Variants in CACNA2D3 observed in about 807,000 individuals in gnomAD.
The protein encoded by CACNA2D3 is voltage-dependent calcium channel subunit alpha-2/delta-3.
CACNA2D3 carries 60 observed loss-of-function variants against 160.6 expected under a neutral mutation model. The observed-to-expected ratio is 0.37, with a 90% confidence interval of 0.30 to 0.46. The LOEUF is 0.46. Among genes scored for constraint, CACNA2D3 ranks in the 20% least tolerant of loss-of-function variants. CACNA2D3 has a pLI of 1.00. For missense variants in CACNA2D3, 1,205 were observed against 1,365.0 expected (o/e 0.88, Z 1.85); for synonymous variants, 558 against 492.9 (o/e 1.13, Z -1.75).
Position 54,145,561 on chromosome 3 carries a change from T to C in CACNA2D3, c.204+21967T>C, listed in dbSNP as rs144587163. Among the ~76,000 whole-genome samples, 1,079 of 152,334 alleles carry C rather than the reference T, an allele frequency of 7.1e-3. 16 individuals are homozygous for C. The highest frequency in any genetic ancestry group is 0.025 in the African/African-American group (1,041 of 41,572). ...GTTTCTGAATGACAGGCTTGTTATA[T>C]GCAGCAGAGCCTAGCCCTGCATGGC... On this transcript the variant is annotated intron_variant, in intron 2 of 37. Transcript: ENST00000474759.
chr3:54,763,815 A>ATACG (rs1702152623), intron 12 of CACNA2D3, among the ~76,000 whole-genome samples: 1 of 7,540 alleles, frequency 1.3e-4, no homozygotes, highest in African/African-American at 3.2e-4. Context: ...ATATATACAT[A>ATACG]TATATATACG....
chr3:54,573,733 A>T (rs1263922681), intron 8 of CACNA2D3, among the ~76,000 whole-genome samples: 1 of 152,222 alleles, frequency 6.6e-6, no homozygotes, highest in Admixed American at 6.5e-5. Flanking sequence ...TAATGTTTAC[A>T]CAGTTACCAA....
chr3:54,829,563 T>A (rs1274897661), intron 14 of CACNA2D3, among the ~76,000 whole-genome samples: 1 of 152,142 alleles, frequency 6.6e-6, no homozygotes, highest in East Asian at 1.9e-4. Flanking sequence ...CCTCACAAAC[T>A]AATTGTACAG....
intron 2 of CACNA2D3, among the ~76,000 whole-genome samples, chr3:54,310,933 A>G (rs1364546710): frequency 3.9e-5 from 6 of 152,196 alleles, no homozygotes; most frequent in Non-Finnish European, 8.8e-5. Context: ...ACATGGTAAC[A>G]TGAGGACTTG....
intron 9 of CACNA2D3, among the ~76,000 whole-genome samples, chr3:54,596,439 A>G (rs1437985815): frequency 6.6e-6 from 1 of 152,074 alleles, no homozygotes; most frequent in Non-Finnish European, 1.5e-5. Context: ...CAAACTCCCT[A>G]TTAGTACCTA....
chr3:54,914,347 C>T (rs182366616), intron 27 of CACNA2D3, among the ~76,000 whole-genome samples: 33 of 152,260 alleles, frequency 2.2e-4, no homozygotes, highest in Admixed American at 4.6e-4. Flanking sequence ...TTAGCAATGT[C>T]TGCAATGGAT....
At chr3:54,731,698 T>C (rs546846075) in intron 11 of CACNA2D3, among the ~76,000 whole-genome samples, 2 of 152,174 alleles carry the variant, frequency 1.3e-5, no homozygotes, top group South Asian at 2.1e-4. Context: ...TACCTACAAA[T>C]TCCACCCTTC....
intron 34 of CACNA2D3, among the ~76,000 whole-genome samples, chr3:55,016,747 T>C (rs975097180): frequency 1.3e-5 from 2 of 152,246 alleles, no homozygotes; most frequent in Non-Finnish European, 2.9e-5. Flanking sequence ...ACGAGTCTAC[T>C]TCCTTTTGTT....
At chr3:54,208,383 C>T (rs1701309635) in intron 2 of CACNA2D3, among the ~76,000 whole-genome samples, 1 of 152,190 alleles carries the variant, frequency 6.6e-6, no homozygotes, top group East Asian at 1.9e-4. Context: ...GCTGAGATTA[C>T]AGGTGTGAGC....
At chr3:54,627,156 TGAA>T (rs1699139124) in intron 9 of CACNA2D3, among the ~76,000 whole-genome samples, 1 of 152,226 alleles carries the variant, frequency 6.6e-6, no homozygotes, top group African/African-American at 2.4e-5. Context: ...GTGGTAGACA[TGAA>T]GACAGAGTAA....
intron 12 of CACNA2D3, among the ~76,000 whole-genome samples, chr3:54,755,662 C>T (rs946423273): frequency 6.6e-5 from 10 of 151,984 alleles, no homozygotes; most frequent in Non-Finnish European, 5.9e-5. Context: ...AGAGGGAGGC[C>T]GAGTAGATCC....
chr3:54,237,410 G>C lies in CACNA2D3; in HGVS notation c.205-83032G>C, dbSNP rs974643053. On this transcript the variant is annotated intron_variant, in intron 2 of 37. Transcript: ENST00000474759. ...CCTAGATCTACCTAGGGATGGCCCC[G>C]TTGCTCTTTATCTAAGAAAAATTAG... Among the ~76,000 whole-genome samples, 10 of 152,168 alleles carry C rather than the reference G, an allele frequency of 6.6e-5. No homozygotes were observed. The South Asian group carries it at 1.9e-3, about 29-fold the overall frequency.
At chr3:54,632,253 T>A (rs1040109811) in intron 10 of CACNA2D3, 7 of 152,250 alleles carry the variant, frequency 4.6e-5, no homozygotes, top group Admixed American at 1.3e-4. Flanking sequence ...CTGGCAGCTC[T>A]TTATTCTAGT....
At chr3:54,211,264 A>T (rs1274186338) in intron 2 of CACNA2D3, among the ~76,000 whole-genome samples, 1 of 152,170 alleles carries the variant, frequency 6.6e-6, no homozygotes, top group Non-Finnish European at 1.5e-5. Context: ...AAGTCTTCCA[A>T]TATCAAAGCA....
chr3:55,036,577 C>T (rs1483966723), intron 35 of CACNA2D3, among the ~76,000 whole-genome samples: 1 of 151,936 alleles, frequency 6.6e-6, no homozygotes, highest in East Asian at 1.9e-4. Context: ...AAGCGATTCT[C>T]CTGCTTCAGC....
Position 54,257,524 on chromosome 3 carries a change from T to G in CACNA2D3, c.205-62918T>G, listed in dbSNP as rs535980883. Among the ~76,000 whole-genome samples, 16 of 152,336 alleles carry G rather than the reference T, an allele frequency of 1.1e-4. No individual in the cohort carries two copies. In the South Asian group the frequency reaches 3.3e-3, roughly 32 times the overall value. On this transcript the variant is annotated intron_variant, in intron 2 of 37. Transcript: ENST00000474759. ...CCTACGCTTTTAGGTGTCAGCAATG[T>G]TGCACAGCTGCTGTTCCTGCCGTTG...
chr3:54,421,795 C>T (rs1268897301), intron 4 of CACNA2D3, among the ~76,000 whole-genome samples: 1 of 152,070 alleles, frequency 6.6e-6, no homozygotes, highest in Non-Finnish European at 1.5e-5. Context: ...TAGGCGACTT[C>T]ACGTTTCAGG....
intron 11 of CACNA2D3, among the ~76,000 whole-genome samples, chr3:54,705,020 G>A (rs1486450887): frequency 6.6e-6 from 1 of 152,084 alleles, no homozygotes; most frequent in South Asian, 2.1e-4. Flanking sequence ...GTGGACCATG[G>A]AGTGTAGCTG....
chr3:54,465,355 T>G (rs1312035375), intron 4 of CACNA2D3, among the ~76,000 whole-genome samples: 1 of 152,220 alleles, frequency 6.6e-6, no homozygotes, highest in Admixed American at 6.5e-5. Flanking sequence ...ACAAGCACAT[T>G]CACATTACTT....
Sources: gnomAD v4.1 joint callset for allele counts (sites outside exome capture counted in the v4.1 genomes callset) on GRCh38, gnomAD v4.1.1 for gene constraint, MANE v1.5 for transcripts, NCBI Gene and HGNC (gene_info 2026-07-23, HGNC 2026-07-21) for gene names.